Variants in B4GALNT3 observed in about 807,000 individuals in gnomAD.
B4GALNT3 encodes the protein beta-1,4-N-acetylgalactosaminyltransferase 3.
B4GALNT3 carries 86 observed loss-of-function variants against 120.2 expected under a neutral mutation model. The observed-to-expected ratio is 0.72, with a 90% CI of 0.60 to 0.86. The LOEUF (loss-of-function observed/expected upper bound fraction) is 0.86, where lower values mean the gene tolerates loss of function less well. Ranked by LOEUF, B4GALNT3 falls within the 40% of genes least tolerant of loss-of-function variation. The pLI is 0.00. For synonymous variants in B4GALNT3, 518 were observed against 510.4 expected (o/e 1.01, Z -0.20); for missense variants, 1,167 against 1,298.9 (o/e 0.90, Z 1.56).
rs1463142882 is a variant in B4GALNT3, at chr12:545,408, A to G, written c.578A>G (p.Glu193Gly). The G allele has an allele frequency of 3.1e-6, 5 of 1,611,998 alleles. 1 individual carries two copies. In the Admixed American group the frequency reaches 8.4e-5, roughly 27 times the overall value. ...GCCATTGCTGCAGATGACAACGCGG[A>G]GTTCTGGCTGAGCCTCGATGACCAG... ...QFAIAADDNA[E>G]FWLSLDDQVS... The change falls in exon 6 of 20, where the codon GAG becomes GGG. Residue 193 changes from glutamate (E) to glycine (G), a missense_variant. Glu to Gly is a moderately conservative substitution (Grantham distance 98). Around this residue, in one of 3 missense-constraint regions of B4GALNT3, gnomAD observed 983 missense variants for 1,102.5 expected, o/e 0.89. Coordinates refer to ENST00000266383, the MANE Select transcript of B4GALNT3 (RefSeq NM_173593.4).
At chr12:543,305 G>A (rs962131953) in intron 3 of B4GALNT3, 14 of 923,042 alleles carry the variant, frequency 1.5e-5, no homozygotes, top group Admixed American at 1.2e-4. Context: ...CCAGCCTCCC[G>A]GAGCTGAGGA....
rs948686224 is a variant in B4GALNT3, at chr12:550,803, C to A, written c.998-119C>A. Reference sequence around the variant, plus strand: ...TCCAGCTGGCAGCCTCAGCCACAGACGTCGGCAGAACACAGCTGCCGCTTG... The same window carrying A: ...TCCAGCTGGCAGCCTCAGCCACAGAAGTCGGCAGAACACAGCTGCCGCTTG... On this transcript the variant is annotated intron_variant, in intron 10 of 19. Transcript: ENST00000266383. This position sits in a 1 kb window ranked among gnomAD's most constrained non-coding sequence, Gnocchi z 4.1. 3 of 796,334 alleles carry A rather than the reference C, an allele frequency of 3.8e-6. No homozygotes were observed. The African/African-American group carries it at 5.2e-5, about 14-fold the overall frequency. The allele number at this position is 796,334 out of a possible 1,614,324, so 49.3% of individuals were successfully genotyped here. A position where few individuals can be genotyped will look rare whatever the true frequency, so the allele number is the denominator to read the frequency against.
chr12:548,440 G>C lies in B4GALNT3; in HGVS notation c.853+143G>C. 1 of 723,588 alleles carries C rather than the reference G, an allele frequency of 1.4e-6. No homozygotes were observed. The highest frequency in any genetic ancestry group is 2.7e-5 in the East Asian group (1 of 37,096). The allele number at this position is 723,588 out of a possible 1,614,324, so 44.8% of individuals were successfully genotyped here. A position where few individuals can be genotyped will look rare whatever the true frequency, so the allele number is the denominator to read the frequency against. On this transcript the variant is annotated intron_variant, in intron 9 of 19. Coordinates refer to ENST00000266383, the MANE Select transcript of B4GALNT3 (RefSeq NM_173593.4). This position sits in a 1 kb window ranked among gnomAD's most constrained non-coding sequence, Gnocchi z 4.9. ...ACGGGTATGAAGGGGTCCAGAACAA[G>C]AGTGGGACCTTATGACCAGGAGTCC...
intron 3 of B4GALNT3, among the ~76,000 whole-genome samples, chr12:542,260 G>T (rs1946927000): frequency 6.6e-6 from 1 of 152,156 alleles, no homozygotes; most frequent in South Asian, 2.1e-4. Context: ...TCTGGATCCA[G>T]CATTGAGGCA....
chr12:504,284 AAAAAAC>A (rs1285733644), intron 1 of B4GALNT3, among the ~76,000 whole-genome samples: 3 of 149,224 alleles, frequency 2.0e-5, no homozygotes, highest in East Asian at 2.0e-4. Context: ...GTCTATAAAA[AAAAAAC>A]AAAAACAAAA....
intron 1 of B4GALNT3, among the ~76,000 whole-genome samples, chr12:523,923 T>C (rs1187301399): frequency 6.6e-6 from 1 of 151,896 alleles, no homozygotes; most frequent in East Asian, 1.9e-4. Flanking sequence ...TAGCTGAGTG[T>C]GGTGGCAGGC....
intron 1 of B4GALNT3, among the ~76,000 whole-genome samples, chr12:505,453 A>G (rs1218480174): frequency 6.6e-6 from 1 of 152,162 alleles, no homozygotes. Context: ...CAGAGGGGAA[A>G]GGAAGGGCCG....
chr12:465,969 C>T (rs1002137791), intron 1 of B4GALNT3, among the ~76,000 whole-genome samples: 8 of 142,796 alleles, frequency 5.6e-5, no homozygotes, highest in Middle Eastern at 7.9e-3. Flanking sequence ...AGTTGAGGTC[C>T]CATTCCCCTG....
intron 1 of B4GALNT3, among the ~76,000 whole-genome samples, chr12:510,130 G>A (rs1404919114): frequency 2.0e-5 from 3 of 152,148 alleles, no homozygotes; most frequent in Non-Finnish European, 4.4e-5. Flanking sequence ...GACCCAGGTT[G>A]CCTAACCTAG....
Position 529,105 on chromosome 12 carries a change from G to A in B4GALNT3, c.170-6061G>A, listed in dbSNP as rs376290852. Among the ~76,000 whole-genome samples, 74 of 152,190 alleles carry A rather than the reference G, an allele frequency of 4.9e-4. No individual in the cohort carries two copies. The East Asian group carries it at 0.011, about 23-fold the overall frequency. The stretch of plus-strand genomic sequence containing the variant: ...CTTTCCTAGGGCCCTGGTAGGGCCC[G>A]TCCTTCCCCTCTTGCATACCCTTGC... On this transcript the variant is annotated intron_variant, in intron 1 of 19. Coordinates refer to ENST00000266383, the MANE Select transcript of B4GALNT3 (RefSeq NM_173593.4).
chr12:555,348 C>T (rs1947140040), intron 14 of B4GALNT3: 1 of 456,918 alleles, frequency 2.2e-6, no homozygotes. Context: ...AATGTGTGGC[C>T]TTTATATCGG....
intron 1 of B4GALNT3, among the ~76,000 whole-genome samples, chr12:500,824 T>A (rs112470052): frequency 1.4e-5 from 2 of 147,126 alleles, no homozygotes; most frequent in African/African-American, 5.0e-5. Context: ...CATTTTGAAC[T>A]CACCCCTGGA....
At position 544,924 on chromosome 12, in the gene B4GALNT3, A is replaced by T; in HGVS notation, c.490A>T (p.Thr164Ser). ...GAAGCTTGCTGTGTCCCCCAAATGGACCAACTATGGCCTCCGCATCTTTGG... is the reference window on the plus strand; with the variant it reads ...GAAGCTTGCTGTGTCCCCCAAATGGTCCAACTATGGCCTCCGCATCTTTGG... ...LRKLAVSPKW[T>S]NYGLRIFGYL... Residue 164 changes from threonine (T) to serine (S), a missense_variant, in exon 5 of 20, where the codon ACC (threonine) becomes TCC (serine). Physicochemically the swap from Thr to Ser is moderately conservative, Grantham distance 58. Transcript: ENST00000266383. The T allele has an allele frequency of 6.2e-7, 1 of 1,613,936 alleles. No homozygotes were observed. Among genetic ancestry groups the T allele is most frequent in the South Asian group, 1.1e-5 (1 of 91,070 alleles).
intron 6 of B4GALNT3, 43 bp downstream of exon 6, chr12:545,512 G>A: frequency 6.5e-7 from 1 of 1,535,044 alleles, no homozygotes; most frequent in Non-Finnish European, 8.8e-7. Context: ...TGCTCCTGGA[G>A]CCTGTTCATT....
At chr12:540,201 G>A (rs369606220) in intron 3 of B4GALNT3, among the ~76,000 whole-genome samples, 3 of 152,216 alleles carry the variant, frequency 2.0e-5, no homozygotes, top group Admixed American at 6.5e-5. Flanking sequence ...CTGCCTTCGT[G>A]CGCCTCTGAA....
intron 15 of B4GALNT3, 36 bp from the exon 16 acceptor site, chr12:557,572 C>A: frequency 6.3e-7 from 1 of 1,588,806 alleles, no homozygotes; most frequent in Non-Finnish European, 8.5e-7. Flanking sequence ...TTTGCCTTGT[C>A]TGTGTTTCCT....
At chr12:465,398 TTA>T (rs1173868982) in intron 1 of B4GALNT3, among the ~76,000 whole-genome samples, 1 of 152,188 alleles carries the variant, frequency 6.6e-6, no homozygotes, top group Non-Finnish European at 1.5e-5. Flanking sequence ...GATACTGTGT[TTA>T]TCAGGGACTG....
chr12:525,100 T>TTATTTATG (rs1256709906), intron 1 of B4GALNT3, among the ~76,000 whole-genome samples: 1 of 151,790 alleles, frequency 6.6e-6, no homozygotes, highest in Non-Finnish European at 1.5e-5. Flanking sequence ...ATTTATTTAT[T>TTATTTATG]TATTTATTTA....
chr12:548,117 G>A lies in B4GALNT3; in HGVS notation c.786+15G>A, dbSNP rs1221450858. The A allele has an allele frequency of 1.2e-6, 2 of 1,610,440 alleles. No individual in the cohort carries two copies. On this transcript the variant is annotated intron_variant, in intron 8 of 19. Coordinates refer to ENST00000266383, the MANE Select transcript of B4GALNT3 (RefSeq NM_173593.4). This position sits in a 1 kb window ranked among gnomAD's most constrained non-coding sequence, Gnocchi z 4.9. ...TGGAAGTTGCAGTGAGTTTCCTGCTGCTCCCGCCTCTCCCAGCTCAGTTCC... is the reference window on the plus strand; with the variant it reads ...TGGAAGTTGCAGTGAGTTTCCTGCTACTCCCGCCTCTCCCAGCTCAGTTCC...
Sources: gnomAD v4.1 joint callset for allele counts (sites outside exome capture counted in the v4.1 genomes callset) on GRCh38, gnomAD v4.1.1 for gene constraint, gnomAD v4.1.1 regional missense constraint, Gnocchi (gnomAD v3.1) non-coding constraint, MANE v1.5 for transcripts, NCBI Gene and HGNC (gene_info 2026-07-23, HGNC 2026-07-21) for gene names.